The following TM9SF4 variants were observed in gnomAD, a reference collection of about 807,000 sequenced individuals.
TM9SF4 encodes the protein transmembrane 9 superfamily member 4.
In TM9SF4, 26 loss-of-function variants were observed where a neutral mutation model predicts 90.4. The observed-to-expected ratio is 0.29, with a 90% CI of 0.21 to 0.40. The LOEUF (loss-of-function observed/expected upper bound fraction) is 0.40. Among genes scored for constraint, TM9SF4 ranks in the 10% least tolerant of loss-of-function variants. TM9SF4 has a pLI of 1.00. For synonymous variants in TM9SF4, 293 were observed against 315.4 expected (o/e 0.93, Z 0.75); for missense variants, 549 against 834.8 (o/e 0.66, Z 4.22).
rs112417845 is a variant in TM9SF4 at position 32,141,912 on chromosome 20, G to T, written c.528+17G>T. The T allele has an allele frequency of 6.2e-7, 1 of 1,613,812 alleles. No individual in the cohort carries two copies. Among genetic ancestry groups the T allele is most frequent in the Admixed American group, 1.7e-5 (1 of 60,016 alleles). On this transcript the variant is annotated intron_variant, in intron 5 of 17. Coordinates refer to ENST00000398022, the MANE Select transcript of TM9SF4 (RefSeq NM_014742.4). ...GTCAACAAGGTAGAGTGTCTTTGGC[G>T]TGCTCACAGGACCGGGAGCCACACC...
chr20:32,150,603 T>C lies in TM9SF4; in HGVS notation c.1088-19T>C, dbSNP rs769042232. 15 of 1,610,072 alleles carry C rather than the reference T, an allele frequency of 9.3e-6. No homozygotes were observed. The highest frequency in any genetic ancestry group is 4.4e-5 in the South Asian group (4 of 90,974). On this transcript the variant is annotated intron_variant, in intron 10 of 17. Transcript: ENST00000398022. ...CCACCCTGCCTTTCTCTGCCCTTCCTCCCTCCCTCCCTCCACAGTTGTAGC... is the reference window on the plus strand; with the variant it reads ...CCACCCTGCCTTTCTCTGCCCTTCCCCCCTCCCTCCCTCCACAGTTGTAGC...
At position 32,133,062 on chromosome 20, in the gene TM9SF4, G is replaced by T; in HGVS notation, c.65G>T (p.Ser22Ile). ...CTTTTCTCCCTGATGTGTGAAACAA[G>T]CGCCTTCTATGTGCCTGGGGTCGCG... ...LLLFSLMCET[S>I]AFYVPGVAPI... The change falls in exon 2 of 18, where the codon AGC (serine) becomes ATC (isoleucine). Residue 22 changes from serine to isoleucine, a missense_variant. Ser to Ile is a moderately radical substitution (Grantham distance 142). Transcript: ENST00000398022. 1.9e-6 allele frequency: 3 copies of T among 1,614,182 alleles called. No homozygotes were observed. Among genetic ancestry groups the T allele is most frequent in the Non-Finnish European group, 2.5e-6 (3 of 1,180,034 alleles).
At position 32,141,829 on chromosome 20, in the gene TM9SF4, CAAG is replaced by C. The variant is rs750687517; in HGVS notation, c.469_471del (p.Lys157del). On this transcript the variant is annotated inframe_deletion, in exon 5 of 18. Coordinates refer to ENST00000398022, the MANE Select transcript of TM9SF4 (RefSeq NM_014742.4). ...TCTACTCCAACCGAGACAGCGATGA[CAAG>C]AAGAAGGAAAAAGATGTGCAGTTTG... The C allele has an allele frequency of 7.4e-6, 12 of 1,613,970 alleles. No individual in the cohort carries two copies. The highest frequency in any genetic ancestry group is 4.0e-5 in the African/African-American group (3 of 74,890).
In TM9SF4 at chr20:32,125,699, T is replaced by G. The variant is rs1265421827; in HGVS notation, c.16-7314T>G. 2.0e-5 allele frequency among the ~76,000 whole-genome samples: 3 copies of G among 148,948 alleles called. No homozygotes were observed. The East Asian group carries it at 5.9e-4, about 29-fold the overall frequency. On this transcript the variant is annotated intron_variant, in intron 1 of 17. Transcript: ENST00000398022. ...CTTTTTTCTTTTTTTTTTTTTTTTTTTTTGAGACATAGTCTCGCTTTGTCA... is the reference window on the plus strand; with the variant it reads ...CTTTTTTCTTTTTTTTTTTTTTTTTGTTTGAGACATAGTCTCGCTTTGTCA...
intron 13 of TM9SF4, among the ~76,000 whole-genome samples, chr20:32,156,928 T>G (rs1021627803): frequency 6.2e-5 from 9 of 145,772 alleles, no homozygotes; most frequent in African/African-American, 2.3e-4. Flanking sequence ...ATTTTTTTTT[T>G]TCCTGGACAT....
chr20:32,126,068 A>AACACACACAT (rs1555882543), intron 1 of TM9SF4, among the ~76,000 whole-genome samples: 13 of 138,596 alleles, frequency 9.4e-5, no homozygotes, highest in African/African-American at 2.6e-4. Flanking sequence ...CTTTCCCGTA[A>AACACACACAT]ACACACACAC....
intron 3 of TM9SF4, among the ~76,000 whole-genome samples, chr20:32,140,455 A>G (rs929804594): frequency 6.6e-6 from 1 of 152,258 alleles, no homozygotes; most frequent in Admixed American, 6.5e-5. Flanking sequence ...CAGTCTTAAC[A>G]GTAACGAGCT....
At chr20:32,160,559 C>A (rs941789429) in intron 16 of TM9SF4, among the ~76,000 whole-genome samples, 1 of 152,132 alleles carries the variant, frequency 6.6e-6, no homozygotes, top group African/African-American at 2.4e-5. Context: ...TAACTTCATG[C>A]CATCCGTTCC....
At chr20:32,164,637 C>A (rs191218106) in intron 17 of TM9SF4, among the ~76,000 whole-genome samples, 8 of 152,290 alleles carry the variant, frequency 5.3e-5, no homozygotes, top group Admixed American at 1.3e-4. Flanking sequence ...TTACTGTTTT[C>A]TTCTGGGCTA....
chr20:32,149,693 C>G lies in TM9SF4; in HGVS notation c.1014C>G (p.Pro338=), dbSNP rs774338487. The G allele has an allele frequency of 2.5e-6, 4 of 1,614,222 alleles. No homozygotes were observed. In the Admixed American group the frequency reaches 5.0e-5, roughly 20 times the overall value. The change falls in exon 10 of 18, where the codon CCC becomes CCG. Residue 338 remains proline (P), a synonymous_variant. Transcript: ENST00000398022. ...TGCACGGCGACGTCTTCAGGCCCCCCCAGTACCCCATGATCCTCAGCTCCC... is the reference window on the plus strand; with the variant it reads ...TGCACGGCGACGTCTTCAGGCCCCCGCAGTACCCCATGATCCTCAGCTCCC... ...KLVHGDVFRP[P]QYPMILSSLL...
chr20:32,122,456 G>A (rs1600785684), intron 1 of TM9SF4, among the ~76,000 whole-genome samples: 1 of 151,216 alleles, frequency 6.6e-6, no homozygotes, highest in East Asian at 2.0e-4. Context: ...ATACGGGGCG[G>A]CTGCCGGGCG....
chr20:32,112,735 A>C (rs1600767323), intron 1 of TM9SF4, among the ~76,000 whole-genome samples: 1 of 151,880 alleles, frequency 6.6e-6, no homozygotes, highest in Admixed American at 6.6e-5. Context: ...ACCACCACCA[A>C]CAAAACCCTG....
intron 9 of TM9SF4, among the ~76,000 whole-genome samples, chr20:32,148,139 T>C (rs1418896937): frequency 1.3e-5 from 2 of 151,974 alleles, no homozygotes; most frequent in South Asian, 2.1e-4. Context: ...CCAAAAAATC[T>C]AAAATTTCGA....
chr20:32,164,146 G>A (rs1019551703), intron 17 of TM9SF4, among the ~76,000 whole-genome samples: 1 of 151,880 alleles, frequency 6.6e-6, no homozygotes, highest in African/African-American at 2.4e-5. Context: ...TCTTTGCCTC[G>A]TCCCTTGCCT....
Position 32,146,812 on chromosome 20 carries a change from C to A in TM9SF4, c.911C>A (p.Thr304Asn). ...ATCCTGAGCATGATTATCATTCGGA[C>A]CCTCCGGAAGGACATTGCCAACTAC... ...SGILSMIIIR[T>N]LRKDIANYNK... The change falls in exon 9 of 18, where the codon ACC becomes AAC. Residue 304 changes from threonine (T) to asparagine (N), a missense_variant. Around this residue, in one of 2 missense-constraint regions of TM9SF4, gnomAD observed 495 missense variants for 711.7 expected, o/e 0.70. Transcript: ENST00000398022. The A allele has an allele frequency of 2.5e-6, 4 of 1,614,040 alleles. No homozygotes were observed. The highest frequency in any genetic ancestry group is 3.4e-6 in the Non-Finnish European group (4 of 1,179,992).
chr20:32,141,607 A>G lies in TM9SF4; in HGVS notation c.340A>G (p.Thr114Ala). 6.2e-7 allele frequency: 1 copy of G among 1,614,186 alleles called. No homozygotes were observed. The highest frequency in any genetic ancestry group is 8.5e-7 in the Non-Finnish European group (1 of 1,180,036). The change falls in exon 4 of 18, where the codon ACA (threonine) becomes GCA (alanine). Residue 114 changes from threonine (T) to alanine (A), a missense_variant. Coordinates refer to ENST00000398022, the MANE Select transcript of TM9SF4 (RefSeq NM_014742.4). ...CCAGTCCAACAAGCCAGTGACCCTG[A>G]CAGTGGAGCAGAGCCGACTCGTGGC... ...CSQSNKPVTL[T>A]VEQSRLVAER...
intron 3 of TM9SF4, among the ~76,000 whole-genome samples, chr20:32,139,966 A>G (rs1364909635): frequency 6.6e-6 from 1 of 152,162 alleles, no homozygotes; most frequent in Non-Finnish European, 1.5e-5. Context: ...CAAGTTATAT[A>G]TTCTCATTTT....
intron 12 of TM9SF4, among the ~76,000 whole-genome samples, chr20:32,152,113 G>GC (rs1326818416): frequency 2.3e-4 from 34 of 150,726 alleles, no homozygotes; most frequent in Non-Finnish European, 4.9e-4. Flanking sequence ...CTCATGATCC[G>GC]CCCGCCTCGG....
intron 1 of TM9SF4, 123 bp from the exon 2 acceptor site, chr20:32,132,890 T>C: frequency 2.6e-6 from 2 of 762,166 alleles, no homozygotes; most frequent in Non-Finnish European, 4.2e-6. Flanking sequence ...TCAGGCTTCA[T>C]GGGTCAGAGG....
Sources: gnomAD v4.1 joint callset for allele counts (sites outside exome capture counted in the v4.1 genomes callset) on GRCh38, gnomAD v4.1.1 for gene constraint, gnomAD v4.1.1 regional missense constraint, MANE v1.5 for transcripts, NCBI Gene and HGNC (gene_info 2026-07-23, HGNC 2026-07-21) for gene names.